Variants in PRDM11 observed in about 807,000 individuals in gnomAD.
The protein encoded by PRDM11 is PR domain-containing protein 11.
PRDM11 carries 20 observed loss-of-function variants against 97.8 expected under a neutral mutation model. The ratio of observed to expected loss-of-function variants is 0.20; its 90% CI spans 0.14 to 0.30. PRDM11 has a LOEUF of 0.30. PRDM11 is among the 10% of genes least tolerant of loss of function. The pLI is 1.00. For synonymous variants in PRDM11, 599 were observed against 637.7 expected, an observed-to-expected ratio of 0.94 and a Z score of 0.91; for missense variants, 1,139 against 1,555.2, an observed-to-expected ratio of 0.73 and a Z score of 4.50.
chr11:45,134,694 G>A (rs1477998041), intron 1 of PRDM11, among the ~76,000 whole-genome samples: 1 of 43,936 alleles, frequency 2.3e-5, no homozygotes, highest in Non-Finnish European at 3.6e-5. Context: ...GTGAGACCCT[G>A]TCTCACGAAA....
intron 5 of PRDM11, chr11:45,213,830 G>A (rs1296576732): frequency 2.4e-5 from 10 of 423,782 alleles, no homozygotes; most frequent in East Asian, 7.2e-5. Flanking sequence ...CCAGGGTATC[G>A]GTTTTCCCAG....
At chr11:45,159,203 GACTC>G (rs1851874503) in intron 1 of PRDM11, among the ~76,000 whole-genome samples, 1 of 152,220 alleles carries the variant, frequency 6.6e-6, no homozygotes, top group Non-Finnish European at 1.5e-5. Flanking sequence ...TGCCCTTTTA[GACTC>G]ACTCTCATTT....
intron 1 of PRDM11, among the ~76,000 whole-genome samples, chr11:45,106,984 G>A (rs1280925418): frequency 6.6e-6 from 1 of 152,220 alleles, no homozygotes; most frequent in African/African-American, 2.4e-5. Context: ...TTTGTGGGGA[G>A]GAGAAATGAA....
At position 45,126,976 on chromosome 11, in the gene PRDM11, A is replaced by G. The variant is rs2135639222; in HGVS notation, c.96+31075A>G. 1.3e-5 allele frequency among the ~76,000 whole-genome samples: 2 copies of G among 152,326 alleles called. 1 individual carries two copies. Among genetic ancestry groups the G allele is most frequent in the South Asian group, 4.1e-4 (2 of 4,832 alleles). On this transcript the variant is annotated intron_variant, in intron 1 of 6. Transcript: ENST00000530656. ...CTCCCTGTCACTTTCAGGTACGCCA[A>G]TCAGATGTAGATTTGGTCTTTTCAC...
intron 1 of PRDM11, among the ~76,000 whole-genome samples, chr11:45,120,390 A>T (rs975838437): frequency 5.3e-5 from 8 of 152,214 alleles, no homozygotes; most frequent in Non-Finnish European, 1.2e-4. Context: ...CCCAAGCAGG[A>T]TAGATACAAT....
At chr11:45,216,963 TG>T (rs528252795) in intron 5 of PRDM11, among the ~76,000 whole-genome samples, 10 of 152,216 alleles carry the variant, frequency 6.6e-5, no homozygotes, top group Non-Finnish European at 1.2e-4. Context: ...GGTTGGTGGT[TG>T]TTTAGAAACT....
At chr11:45,123,225 T>C (rs1156338426) in intron 1 of PRDM11, among the ~76,000 whole-genome samples, 1 of 152,236 alleles carries the variant, frequency 6.6e-6, no homozygotes, top group Non-Finnish European at 1.5e-5. Flanking sequence ...TTGAGTTCAT[T>C]GTAGATTCTG....
At chr11:45,147,494 G>C (rs972218081) in intron 1 of PRDM11, 1 of 152,274 alleles carries the variant, frequency 6.6e-6, no homozygotes, top group Non-Finnish European at 1.5e-5. Flanking sequence ...GGCATTTCTG[G>C]AATGCGTTTT....
intron 1 of PRDM11, among the ~76,000 whole-genome samples, chr11:45,176,422 T>G (rs1291290172): frequency 1.3e-5 from 2 of 152,216 alleles, no homozygotes; most frequent in Non-Finnish European, 2.9e-5. Context: ...ATGTCTGTTA[T>G]ACTTTTAAAT....
At chr11:45,184,608 C>T (rs896760467) in intron 4 of PRDM11, among the ~76,000 whole-genome samples, 2 of 152,174 alleles carry the variant, frequency 1.3e-5, no homozygotes, top group African/African-American at 4.8e-5. Context: ...AGGACATCTG[C>T]AGTCTCCCAA....
At chr11:45,188,419 T>G (rs942227336) in intron 4 of PRDM11, among the ~76,000 whole-genome samples, 1 of 134,346 alleles carries the variant, frequency 7.4e-6, no homozygotes, top group Non-Finnish European at 1.8e-5. Context: ...GAACCTACCC[T>G]CTCATTCCGC....
rs370105066 is a variant in PRDM11, at chr11:45,157,680, G to A, written c.-7+10803G>A. Among the ~76,000 whole-genome samples, 9 of 152,360 alleles carry A rather than the reference G, an allele frequency of 5.9e-5. No homozygotes were observed. In the South Asian group the frequency reaches 8.3e-4, roughly 14 times the overall value. Reference sequence around the variant, plus strand: ...CCCCTGAGTCGGTCCTGGCTGATGGGCAGGCAGCCCTCGGGTGTGAGCAGC... The same window carrying A: ...CCCCTGAGTCGGTCCTGGCTGATGGACAGGCAGCCCTCGGGTGTGAGCAGC... On this transcript the variant is annotated intron_variant, in intron 1 of 7. Transcript: ENST00000683152.
At chr11:45,218,648 C>T (rs1401650020) in intron 5 of PRDM11, among the ~76,000 whole-genome samples, 1 of 152,230 alleles carries the variant, frequency 6.6e-6, no homozygotes. Flanking sequence ...TTTCCTCTTG[C>T]CCTCTGATCT....
chr11:45,172,532 T>C (rs1222873062), intron 1 of PRDM11, among the ~76,000 whole-genome samples: 5 of 152,168 alleles, frequency 3.3e-5, no homozygotes, highest in Admixed American at 6.5e-5. Flanking sequence ...TCCAAGGTTT[T>C]AGGAGCTCTG....
At position 45,226,027 on chromosome 11, in the gene PRDM11, A is replaced by G. The variant is rs1854265985; in HGVS notation, c.1402A>G (p.Met468Val). Residue 468 changes from methionine (M) to valine (V), a missense_variant, in exon 8 of 8, where the codon ATG becomes GTG. Transcript: ENST00000683152. ...AAGCATGGTCTCCGGCCCCGCCATC[A>G]TGGAGGATGATGACCAGGAAGTCGA... is the stretch of plus-strand genomic sequence containing the variant. ...SESMVSGPAI[M>V]EDDDQEVDSA... 1.3e-6 allele frequency: 2 copies of G among 1,510,180 alleles called. No individual in the cohort carries two copies. The highest frequency in any genetic ancestry group is 2.5e-5 in the East Asian group (1 of 40,186). The allele number at this position is 1,510,180 out of a possible 1,614,324, so 93.5% of individuals were successfully genotyped here.
upstream of PRDM11, among the ~76,000 whole-genome samples, chr11:45,094,215 T>C (rs576009604): frequency 3.2e-4 from 48 of 152,272 alleles, 1 homozygote; most frequent in South Asian, 9.7e-3. Flanking sequence ...TGTCCTCCTC[T>C]GGGGGTGGGC....
Position 45,224,698 on chromosome 11 carries a change from C to G in PRDM11, c.1224C>G (p.Thr408=). The part of the protein sequence containing the change: ...LASDPHELPT[T]SFCPNCIRLK... ...CTGACCCTCATGAACTTCCCACCAC[C>G]TCTTTTTGCCCTAACTGTATTCGCC... The change falls in exon 7 of 8, where the codon ACC becomes ACG. Residue 408 remains threonine, a synonymous_variant. Coordinates refer to ENST00000683152, the MANE Select transcript of PRDM11 (RefSeq NM_001384648.1). 6.2e-7 allele frequency: 1 copy of G among 1,614,192 alleles called. No individual in the cohort carries two copies. The highest frequency in any genetic ancestry group is 8.5e-7 in the Non-Finnish European group (1 of 1,180,042).
At chr11:45,195,409 A>G (rs932364769) in intron 4 of PRDM11, among the ~76,000 whole-genome samples, 33 of 151,712 alleles carry the variant, frequency 2.2e-4, no homozygotes, top group African/African-American at 6.8e-4. Context: ...CTAGGCAACC[A>G]CTAATCTACT....
intron 5 of PRDM11, chr11:45,214,464 G>C (rs1853897921): frequency 6.6e-6 from 1 of 151,304 alleles, no homozygotes; most frequent in South Asian, 2.1e-4. Flanking sequence ...TTCCAAGGCT[G>C]TTCCTGGAGC....
Sources: gnomAD v4.1 joint callset for allele counts (sites outside exome capture counted in the v4.1 genomes callset) on GRCh38, gnomAD v4.1.1 for gene constraint, MANE v1.5 for transcripts, NCBI Gene and HGNC (gene_info 2026-07-23, HGNC 2026-07-21) for gene names.